MALRD1: variants seen among roughly 807,000 people sequenced by gnomAD.
MALRD1 encodes the protein MAM and LDL receptor class A domain containing 1.
A neutral mutation model predicts 242.1 loss-of-function variants in MALRD1; 247 were observed. The ratio of observed to expected loss-of-function variants is 1.02; its 90% confidence interval spans 0.92 to 1.13. MALRD1 has a LOEUF of 1.13. Ranked by LOEUF, MALRD1 falls within the 50% of genes most tolerant of loss-of-function variation. The probability of loss-of-function intolerance (pLI) is 0.00; values close to 1 mark genes in which losing one functional copy is unlikely to be tolerated. For synonymous variants in MALRD1, 995 were observed against 866.6 expected (o/e 1.15, Z -2.60); for missense variants, 2,989 against 2,533.1 (o/e 1.18, Z -3.86).
intron 9 of MALRD1, among the ~76,000 whole-genome samples, chr10:19,135,491 C>T: frequency 6.6e-6 from 1 of 152,124 alleles, no homozygotes; most frequent in South Asian, 2.1e-4. Flanking sequence ...TATTCAGAAA[C>T]TTTAAGCTGG....
chr10:19,665,169 C>A (rs990358968), intron 36 of MALRD1, among the ~76,000 whole-genome samples: 2 of 152,056 alleles, frequency 1.3e-5, no homozygotes, highest in African/African-American at 4.8e-5. Context: ...ATGAGTAACT[C>A]AGAGGTGGTT....
chr10:19,380,493 T>A (rs1845791853), intron 26 of MALRD1, among the ~76,000 whole-genome samples: 1 of 152,050 alleles, frequency 6.6e-6, no homozygotes, highest in African/African-American at 2.4e-5. Context: ...CTTTTAAAAG[T>A]GTTTGGAATT....
chr10:19,129,937 G>GAT (rs34413523), intron 8 of MALRD1, among the ~76,000 whole-genome samples: 20,881 of 148,390 alleles, frequency 0.14, 1,599 homozygotes, highest in East Asian at 0.28. Context: ...ATGTGGATGT[G>GAT]ATATATATAT....
chr10:19,343,597 T>C lies in MALRD1; in HGVS notation c.3902-4174T>C, dbSNP rs1329419741. 3.3e-5 allele frequency among the ~76,000 whole-genome samples: 5 copies of C among 152,156 alleles called. No individual in the cohort carries two copies. In the East Asian group the frequency reaches 9.6e-4, roughly 29 times the overall value. ...TATATAAATGGAACTCTACAGGATG[T>C]GACCTTTGAGAATAGGTCTTAAAGA... On this transcript the variant is annotated intron_variant, in intron 24 of 39. Coordinates refer to ENST00000454679, the MANE Select transcript of MALRD1 (RefSeq NM_001142308.3).
chr10:19,434,640 TAA>T (rs1834277113), intron 28 of MALRD1, among the ~76,000 whole-genome samples: 3 of 151,956 alleles, frequency 2.0e-5, no homozygotes, highest in Non-Finnish European at 4.4e-5. Context: ...TCCATTTTTT[TAA>T]AGATATTTAA....
rs1221590381 is a variant in MALRD1, at chr10:19,708,997, A to G, written c.6314+16443A>G. On this transcript the variant is annotated intron_variant, in intron 38 of 39. Coordinates refer to ENST00000454679, the MANE Select transcript of MALRD1 (RefSeq NM_001142308.3). ...TATTTTGAAATGGAAACAGTGTATC[A>G]CAGAAACATGGATAAGCCTTTTTTT... Among the ~76,000 whole-genome samples the G allele has an allele frequency of 1.6e-4, 19 of 120,364 alleles. 7 individuals are homozygous for G. The highest frequency in any genetic ancestry group is 8.3e-4 in the Admixed American group (9 of 10,790). 79.0% of individuals were successfully genotyped at this position (120,364 alleles called of 152,430 possible).
rs79474080 is a variant in MALRD1 at position 19,121,347 on chromosome 10, A to G, written c.695-2145A>G. 5.1e-4 allele frequency among the ~76,000 whole-genome samples: 78 copies of G among 152,192 alleles called. No homozygotes were observed. The East Asian group carries it at 0.014, about 27-fold the overall frequency. On this transcript the variant is annotated intron_variant, in intron 5 of 39. Transcript: ENST00000454679. ...GAGCCACTGTGCCCAGCCTACTTGT[A>G]CACTTTAAAATAGATAAAATGGAAA...
chr10:19,243,802 T>C (rs539387370), intron 18 of MALRD1, among the ~76,000 whole-genome samples: 29 of 152,290 alleles, frequency 1.9e-4, no homozygotes, highest in African/African-American at 6.5e-4. Flanking sequence ...GGTCTGCTTC[T>C]TCAGAAGCCT....
intron 33 of MALRD1, among the ~76,000 whole-genome samples, chr10:19,569,756 A>G (rs995640373): frequency 6.8e-6 from 1 of 146,988 alleles, no homozygotes; most frequent in Admixed American, 6.8e-5. Flanking sequence ...ATAGAATTCC[A>G]TATTTATCAT....
At chr10:19,345,629 G>A (rs1844081862) in intron 24 of MALRD1, among the ~76,000 whole-genome samples, 1 of 151,846 alleles carries the variant, frequency 6.6e-6, no homozygotes, top group African/African-American at 2.4e-5. Context: ...TTTTTAAAAG[G>A]CATTCTCTCC....
intron 28 of MALRD1, among the ~76,000 whole-genome samples, chr10:19,390,806 G>A (rs183037479): frequency 1.0e-3 from 154 of 152,176 alleles, no homozygotes; most frequent in African/African-American, 3.5e-3. Context: ...AACCAGAATT[G>A]ACTTTATAAC....
intron 36 of MALRD1, among the ~76,000 whole-genome samples, chr10:19,642,694 G>A (rs992623567): frequency 1.3e-5 from 2 of 152,142 alleles, no homozygotes; most frequent in African/African-American, 2.4e-5. Context: ...AGTTCAGTGT[G>A]GGTAACATTC....
intron 18 of MALRD1, among the ~76,000 whole-genome samples, chr10:19,243,659 C>T (rs1365716741): frequency 1.3e-5 from 2 of 152,048 alleles, no homozygotes; most frequent in Non-Finnish European, 2.9e-5. Context: ...TACAGCTGCA[C>T]AATTAGACAA....
Position 19,205,090 on chromosome 10 carries a change from T to G in MALRD1, c.2403T>G (p.Asp801Glu), listed in dbSNP as rs1051875223. The G allele has an allele frequency of 5.2e-6, 8 of 1,550,592 alleles. No individual in the cohort carries two copies. The Admixed American group carries it at 9.8e-5, about 19-fold the overall frequency. Reference protein sequence around the residue: ...SLDKVSLGIYDGVSAIDDIRF... With the variant: ...SLDKVSLGIYEGVSAIDDIRF... The stretch of plus-strand genomic sequence containing the variant: ...ATAAAGTCAGTCTGGGCATTTATGA[T>G]GGGGTCTCAGCTATTGATGACATCC... The change falls in exon 17 of 40, where the codon GAT becomes GAG. Residue 801 changes from aspartate (D) to glutamate (E), a missense_variant. By Grantham distance (45) the Asp-to-Glu change is conservative. Coordinates refer to ENST00000454679, the MANE Select transcript of MALRD1 (RefSeq NM_001142308.3).
At chr10:19,418,585 C>G (rs1589046849) in intron 28 of MALRD1, among the ~76,000 whole-genome samples, 1 of 152,190 alleles carries the variant, frequency 6.6e-6, no homozygotes, top group East Asian at 1.9e-4. Context: ...GGATGCTACA[C>G]TGTTATGATC....
rs559203916 is a variant in MALRD1, at chr10:19,320,233, G to A, written c.3420-3716G>A. ...CTCTCCCTCCCCTTACCCCTACCCC[G>A]CGACAGGCCCCAGTGTGTGATGTTC... On this transcript the variant is annotated intron_variant, in intron 21 of 39. Coordinates refer to ENST00000454679, the MANE Select transcript of MALRD1 (RefSeq NM_001142308.3). Among the ~76,000 whole-genome samples the A allele has an allele frequency of 7.3e-5, 11 of 151,372 alleles. No individual in the cohort carries two copies. The South Asian group carries it at 1.9e-3, about 26-fold the overall frequency.
chr10:19,244,185 A>G (rs1245194307), intron 18 of MALRD1, among the ~76,000 whole-genome samples: 1 of 152,132 alleles, frequency 6.6e-6, no homozygotes, highest in Non-Finnish European at 1.5e-5. Flanking sequence ...GTTTACATGT[A>G]TGATTTAAAC....
chr10:19,082,966 C>T (rs578078722), intron 2 of MALRD1, among the ~76,000 whole-genome samples: 9 of 152,092 alleles, frequency 5.9e-5, no homozygotes, highest in South Asian at 2.1e-4. Context: ...TGATGAAGGA[C>T]GACTTCCTGG....
rs117243381 is a variant in MALRD1, at chr10:19,403,603, G to A, written c.4845+13994G>A. On this transcript the variant is annotated intron_variant, in intron 28 of 39. Transcript: ENST00000454679. ...TTAGAGACTTAAGGTTAAAAAGAAG[G>A]GTAAAATAATATTTTTATGTGAATT... 8.6e-3 allele frequency among the ~76,000 whole-genome samples: 1,305 copies of A among 152,048 alleles called. 14 individuals carry two copies. Among genetic ancestry groups the A allele is most frequent in the Middle Eastern group, 0.017 (5 of 292 alleles).
Sources: allele counts gnomAD v4.1 joint callset (sites outside exome capture counted in the v4.1 genomes callset), GRCh38; gene constraint gnomAD v4.1.1; transcripts MANE v1.5; gene names NCBI Gene and HGNC (gene_info 2026-07-23, HGNC 2026-07-21).